SDK1: variants seen among roughly 807,000 people sequenced by gnomAD.
The protein encoded by SDK1 is sidekick cell adhesion molecule 1.
In SDK1, 157 loss-of-function variants were observed where a neutral mutation model predicts 245.5. The ratio of observed to expected loss-of-function variants is 0.64; its 90% CI spans 0.56 to 0.73. The LOEUF is 0.73. SDK1 is among the 30% of genes least tolerant of loss of function. The probability of loss-of-function intolerance (pLI) is 0.00; values close to 1 mark genes in which losing one functional copy is unlikely to be tolerated. For missense variants in SDK1, 3,583 were observed against 3,002.3 expected (o/e 1.19, Z -4.52); for synonymous variants, 1,647 against 1,278.5 (o/e 1.29, Z -6.15).
intron 1 of SDK1, among the ~76,000 whole-genome samples, chr7:3,500,275 T>C (rs996992584): frequency 6.6e-6 from 1 of 152,216 alleles, no homozygotes; most frequent in Non-Finnish European, 1.5e-5. Context: ...TTATATCCCC[T>C]ATTTTCTCCT....
chr7:3,966,246 C>T (rs1782072102), intron 9 of SDK1, among the ~76,000 whole-genome samples: 1 of 152,100 alleles, frequency 6.6e-6, no homozygotes, highest in Admixed American at 6.5e-5. Context: ...GTTTCTGGGA[C>T]TTGCCATGGT....
intron 1 of SDK1, among the ~76,000 whole-genome samples, chr7:3,442,088 G>A (rs1376392206): frequency 6.6e-6 from 1 of 152,134 alleles, no homozygotes; most frequent in African/African-American, 2.4e-5. Flanking sequence ...GGCATTTTGG[G>A]TGAGATTATG....
At chr7:3,644,295 A>G (rs11976780) in intron 4 of SDK1, among the ~76,000 whole-genome samples, 50,503 of 149,732 alleles carry the variant, frequency 0.34, 9,111 homozygotes, top group South Asian at 0.47. Flanking sequence ...AATTCTAGTA[A>G]AAATACCAGT....
At chr7:4,082,878 C>T (rs551358302) in intron 22 of SDK1, among the ~76,000 whole-genome samples, 2 of 152,234 alleles carry the variant, frequency 1.3e-5, no homozygotes, top group Admixed American at 6.5e-5. Flanking sequence ...GCCTCGGCCT[C>T]CCAAAGTGCT....
intron 1 of SDK1, among the ~76,000 whole-genome samples, chr7:3,602,138 A>G (rs1040036597): frequency 1.3e-5 from 2 of 151,936 alleles, no homozygotes; most frequent in African/African-American, 4.8e-5. Flanking sequence ...CAATAAACAT[A>G]CGTGTGCATG....
At position 3,447,026 on chromosome 7, in the gene SDK1, G is replaced by A. The variant is rs114046019; in HGVS notation, c.298+145142G>A. Among the ~76,000 whole-genome samples, 1,337 of 152,178 alleles carry A rather than the reference G, an allele frequency of 8.8e-3. 23 individuals carry two copies. Among genetic ancestry groups the A allele is most frequent in the African/African-American group, 0.03 (1,238 of 41,528 alleles). ...AATCATGATGTGCAGTGGGCTTTAG[G>A]TTTCTATTTTTGTGCAAGGGACCGA... is the stretch of plus-strand genomic sequence containing the variant. On this transcript the variant is annotated intron_variant, in intron 1 of 44. Transcript: ENST00000404826.
At chr7:3,391,754 A>G (rs1781762277) in intron 1 of SDK1, among the ~76,000 whole-genome samples, 1 of 149,304 alleles carries the variant, frequency 6.7e-6, no homozygotes, top group East Asian at 2.0e-4. Flanking sequence ...CTCCTGTCTC[A>G]GCCTCCCGAG....
At chr7:3,990,683 C>G (rs562261918) in intron 14 of SDK1, among the ~76,000 whole-genome samples, 1 of 152,182 alleles carries the variant, frequency 6.6e-6, no homozygotes, top group Non-Finnish European at 1.5e-5. Flanking sequence ...TCTTCGTGCT[C>G]CTCATTCCCT....
chr7:4,184,839 G>C (rs1782792211), intron 35 of SDK1, among the ~76,000 whole-genome samples: 1 of 152,158 alleles, frequency 6.6e-6, no homozygotes, highest in Non-Finnish European at 1.5e-5. Flanking sequence ...TTCAGGCATG[G>C]CTGGATCCAG....
At chr7:3,359,213 C>A (rs1290139571) in intron 1 of SDK1, among the ~76,000 whole-genome samples, 2 of 152,074 alleles carry the variant, frequency 1.3e-5, no homozygotes, top group Non-Finnish European at 2.9e-5. Flanking sequence ...TGTGGGCTGC[C>A]AAGTGGCCCC....
At chr7:3,714,116 G>A (rs1430072169) in intron 4 of SDK1, among the ~76,000 whole-genome samples, 1 of 152,112 alleles carries the variant, frequency 6.6e-6, no homozygotes, top group Non-Finnish European at 1.5e-5. Context: ...ATGGAGCCAG[G>A]AATTCAAAAC....
intron 5 of SDK1, among the ~76,000 whole-genome samples, chr7:3,943,800 C>T (rs1780468144): frequency 6.6e-6 from 1 of 152,148 alleles, no homozygotes; most frequent in South Asian, 2.1e-4. Flanking sequence ...TCCTCAGCCT[C>T]TTCTATGAGT....
chr7:3,590,194 T>C (rs1381777624), intron 1 of SDK1, among the ~76,000 whole-genome samples: 3 of 152,310 alleles, frequency 2.0e-5, no homozygotes, highest in East Asian at 3.9e-4. Context: ...TCAGTTTCTT[T>C]ATGTTTCTTC....
intron 5 of SDK1, among the ~76,000 whole-genome samples, chr7:3,912,903 C>A (rs1342218586): frequency 6.6e-6 from 1 of 152,222 alleles, no homozygotes; most frequent in Admixed American, 6.5e-5. Flanking sequence ...ACTACGACAT[C>A]TGTTCCCACG....
At chr7:4,122,960 AC>A (rs1238113682) in intron 25 of SDK1, among the ~76,000 whole-genome samples, 2 of 151,930 alleles carry the variant, frequency 1.3e-5, no homozygotes, top group Non-Finnish European at 2.9e-5. Context: ...TAGCTGCCTC[AC>A]CTCCCTATCT....
intron 20 of SDK1, among the ~76,000 whole-genome samples, chr7:4,073,817 C>G (rs898630621): frequency 6.6e-6 from 1 of 152,078 alleles, no homozygotes; most frequent in Admixed American, 6.6e-5. Flanking sequence ...CTCAGAGACC[C>G]GGAGAACAGC....
chr7:3,510,063 A>C (rs1041099688), intron 1 of SDK1, among the ~76,000 whole-genome samples: 9 of 152,164 alleles, frequency 5.9e-5, no homozygotes, highest in Non-Finnish European at 1.2e-4. Flanking sequence ...TAGAACTGGG[A>C]GGGGGCTCCC....
chr7:4,233,966 TC>T (rs2128236115), intron 41 of SDK1, among the ~76,000 whole-genome samples: 1 of 152,234 alleles, frequency 6.6e-6, no homozygotes, highest in African/African-American at 2.4e-5. Flanking sequence ...CCACGTGGTG[TC>T]CCCTCCGCAA....
intron 13 of SDK1, chr7:3,974,788 T>C (rs775465338): frequency 4.5e-5 from 20 of 445,338 alleles, no homozygotes; most frequent in Non-Finnish European, 6.5e-5. Context: ...TTTATTTCAG[T>C]TGATCCTTTT....
Sources: allele counts gnomAD v4.1 joint callset (sites outside exome capture counted in the v4.1 genomes callset), GRCh38; gene constraint gnomAD v4.1.1; transcripts MANE v1.5; gene names NCBI Gene and HGNC (gene_info 2026-07-23, HGNC 2026-07-21).